FGFR2: variants seen among roughly 807,000 people sequenced by gnomAD.
FGFR2 encodes the protein fibroblast growth factor receptor 2.
Under a neutral mutation model 95.9 loss-of-function variants are expected in FGFR2, and 19 were observed. The ratio of observed to expected loss-of-function variants is 0.20; its 90% CI spans 0.14 to 0.29. FGFR2 has a LOEUF of 0.29. Among genes scored for constraint, FGFR2 ranks in the 10% least tolerant of loss-of-function variants. The pLI is 1.00. For synonymous variants in FGFR2, 392 were observed against 393.3 expected (o/e 1.00, Z 0.04); for missense variants, 707 against 1,056.9 (o/e 0.67, Z 4.59).
At position 121,500,804 on chromosome 10, in the gene FGFR2, AGCCTCCC is replaced by A; in HGVS notation, c.1561+15_1561+21del. 1 of 1,613,068 alleles carries A rather than the reference AGCCTCCC, an allele frequency of 6.2e-7. No homozygotes were observed. The highest frequency in any genetic ancestry group is 1.1e-5 in the South Asian group (1 of 91,066). Reference sequence around the variant, plus strand: ...AGACTCTCCACCCAGCCCCTCCCCGAGCCTCCCGCCTCCCCGCTCACCTTTCAACATC... The same window carrying A: ...AGACTCTCCACCCAGCCCCTCCCCGAGCCTCCCCGCTCACCTTTCAACATC... On this transcript the variant is annotated intron_variant, in intron 11 of 17. Transcript: ENST00000358487.
chr10:121,497,588 C>T (rs1847042741), intron 12 of FGFR2, among the ~76,000 whole-genome samples: 2 of 152,182 alleles, frequency 1.3e-5, no homozygotes, highest in Admixed American at 1.3e-4. Context: ...TTCCAGGTTT[C>T]AGCCATAACA....
At chr10:121,572,176 A>G (rs4752569) in intron 2 of FGFR2, among the ~76,000 whole-genome samples, 2 of 145,514 alleles carry the variant, frequency 1.4e-5, no homozygotes, top group African/African-American at 2.6e-5. Context: ...AAAAAAAAAA[A>G]AGCCGGGAAT....
At chr10:121,498,670 G>T in intron 11 of FGFR2, 65 bp from the exon 12 acceptor site, 1 of 1,351,444 alleles carries the variant, frequency 7.4e-7, no homozygotes, top group Non-Finnish European at 1.1e-6. Flanking sequence ...GCTACTGTTA[G>T]TTGCCAAAGA....
chr10:121,559,014 T>C (rs1377039756), intron 4 of FGFR2, among the ~76,000 whole-genome samples: 1 of 144,156 alleles, frequency 6.9e-6, no homozygotes, highest in Non-Finnish European at 1.5e-5. Context: ...CAAAATTAGA[T>C]CAATAATCTA....
intron 2 of FGFR2, among the ~76,000 whole-genome samples, chr10:121,567,663 T>C (rs533132635): frequency 6.6e-6 from 1 of 152,216 alleles, no homozygotes; most frequent in Non-Finnish European, 1.5e-5. Context: ...CACACAGCAG[T>C]GGCAGAGGAG....
At chr10:121,483,377 C>T (rs1277208131) in intron 17 of FGFR2, among the ~76,000 whole-genome samples, 3 of 152,184 alleles carry the variant, frequency 2.0e-5, no homozygotes, top group African/African-American at 7.2e-5. Flanking sequence ...TTTTCCCATG[C>T]ACACCAAAAT....
At chr10:121,525,624 G>GGAGA (rs3035990) in intron 6 of FGFR2, among the ~76,000 whole-genome samples, 2 of 149,370 alleles carry the variant, frequency 1.3e-5, no homozygotes, top group African/African-American at 4.9e-5. Flanking sequence ...CATTATTGAG[G>GGAGA]GAGAGAGAGA....
chr10:121,565,878 TGGAAGAGCAACCAGA>T (rs1386377969), intron 2 of FGFR2, 174 bp from the exon 3 acceptor site: 1 of 726,800 alleles, frequency 1.4e-6, no homozygotes, highest in Non-Finnish European at 2.3e-6. Flanking sequence ...AGGAAGTATC[TGGAAGAGCAACCAGA>T]GGATACCCCC....
intron 8 of FGFR2, among the ~76,000 whole-genome samples, chr10:121,516,690 G>T (rs1048414449): frequency 6.6e-6 from 1 of 152,148 alleles, no homozygotes; most frequent in African/African-American, 2.4e-5. Flanking sequence ...TAGGCAACAG[G>T]GCTGCAATGA....
intron 6 of FGFR2, among the ~76,000 whole-genome samples, chr10:121,520,862 C>CA (rs765089878): frequency 2.6e-5 from 4 of 152,216 alleles, no homozygotes; most frequent in Non-Finnish European, 5.9e-5. Context: ...GGGCTGGTCT[C>CA]AAACTCCTAT....
intron 9 of FGFR2, among the ~76,000 whole-genome samples, chr10:121,511,268 C>T (rs1028619720): frequency 2.0e-5 from 3 of 152,076 alleles, no homozygotes; most frequent in Admixed American, 2.0e-4. Flanking sequence ...TTTATCTGGA[C>T]GGAGCCAACC....
chr10:121,576,374 C>T (rs1055580064), intron 2 of FGFR2, among the ~76,000 whole-genome samples: 5 of 152,114 alleles, frequency 3.3e-5, no homozygotes, highest in African/African-American at 7.2e-5. Context: ...CAGCCCAGCC[C>T]GAGCCTCCTA....
intron 6 of FGFR2, among the ~76,000 whole-genome samples, chr10:121,521,132 T>C (rs7911776): frequency 0.015 from 2,297 of 152,380 alleles, 62 homozygotes; most frequent in African/African-American, 0.052. Context: ...GGTGTTACTC[T>C]ATGCCAGTTA....
At chr10:121,504,338 C>A (rs906808109) in intron 9 of FGFR2, among the ~76,000 whole-genome samples, 4 of 152,164 alleles carry the variant, frequency 2.6e-5, no homozygotes, top group Non-Finnish European at 4.4e-5. Flanking sequence ...TCTCAGACCA[C>A]CCGGATCATG....
intron 13 of FGFR2, among the ~76,000 whole-genome samples, chr10:121,493,586 T>C (rs184164935): frequency 2.6e-5 from 4 of 152,328 alleles, no homozygotes; most frequent in African/African-American, 7.2e-5. Context: ...CTGCTGTTTC[T>C]GGTGCTTTCA....
rs1390745552 is a variant in FGFR2 at position 121,509,192 on chromosome 10, T to C, written c.1288-5251A>G. Reference sequence around the variant, plus strand: ...TAACCAATTTTAACATATTCTCTTGTTAGTGATAAGTGAGTTACTTATAAA... The same window carrying C: ...TAACCAATTTTAACATATTCTCTTGCTAGTGATAAGTGAGTTACTTATAAA... On this transcript the variant is annotated intron_variant, in intron 9 of 17. Coordinates refer to ENST00000358487, the MANE Select transcript of FGFR2 (RefSeq NM_000141.5). Among the ~76,000 whole-genome samples, 4 of 152,364 alleles carry C rather than the reference T, an allele frequency of 2.6e-5. No individual in the cohort carries two copies. In the South Asian group the frequency reaches 6.2e-4, roughly 24 times the overall value.
At chr10:121,509,640 C>G (rs1462005706) in intron 9 of FGFR2, among the ~76,000 whole-genome samples, 2 of 151,774 alleles carry the variant, frequency 1.3e-5, no homozygotes, top group East Asian at 1.9e-4. Flanking sequence ...TGTACCACCA[C>G]GCCCAGCTAA....
At chr10:121,557,626 T>C (rs958288061) in intron 4 of FGFR2, among the ~76,000 whole-genome samples, 1 of 152,172 alleles carries the variant, frequency 6.6e-6, no homozygotes, top group Non-Finnish European at 1.5e-5. Flanking sequence ...TTATTGATGA[T>C]GTTTTCATTA....
chr10:121,583,020 C>T (rs1278751272), intron 2 of FGFR2, among the ~76,000 whole-genome samples: 1 of 152,114 alleles, frequency 6.6e-6, no homozygotes, highest in Non-Finnish European at 1.5e-5. Flanking sequence ...GGCTCCATTC[C>T]CTGGCCTCTT....
Sources: gnomAD v4.1 joint callset for allele counts (sites outside exome capture counted in the v4.1 genomes callset) on GRCh38, gnomAD v4.1.1 for gene constraint, MANE v1.5 for transcripts, NCBI Gene and HGNC (gene_info 2026-07-23, HGNC 2026-07-21) for gene names.